Variants in ASIC2 observed in about 807,000 individuals in gnomAD.
ASIC2 encodes acid-sensing ion channel 2.
A neutral mutation model predicts 57.3 loss-of-function variants in ASIC2; 25 were observed. The observed-to-expected ratio is 0.44, with a 90% CI of 0.32 to 0.61. The LOEUF is 0.61. ASIC2 is among the 20% of genes least tolerant of loss of function. The pLI is 0.06. For synonymous variants in ASIC2, 319 were observed against 307.5 expected, an observed-to-expected ratio of 1.04 and a Z score of -0.39; for missense variants, 641 against 738.1, an observed-to-expected ratio of 0.87 and a Z score of 1.52.
At chr17:34,060,812 A>C (rs1242337684) in intron 1 of ASIC2, among the ~76,000 whole-genome samples, 1 of 152,174 alleles carries the variant, frequency 6.6e-6, no homozygotes, top group Non-Finnish European at 1.5e-5. Context: ...GAAAAGAATA[A>C]GAAAATATGA....
intron 1 of ASIC2, among the ~76,000 whole-genome samples, chr17:33,324,336 G>A (rs775911756): frequency 6.6e-6 from 1 of 152,090 alleles, no homozygotes; most frequent in Non-Finnish European, 1.5e-5. Context: ...ATTATCACTG[G>A]GCAACTTGAC....
intron 1 of ASIC2, among the ~76,000 whole-genome samples, chr17:33,841,964 A>G (rs925771107): frequency 3.3e-5 from 5 of 152,154 alleles, no homozygotes; most frequent in African/African-American, 4.8e-5. Flanking sequence ...GGCAGGCTGT[A>G]CAATATATCC....
chr17:33,750,202 G>C (rs1459123269), intron 1 of ASIC2, among the ~76,000 whole-genome samples: 1 of 152,136 alleles, frequency 6.6e-6, no homozygotes, highest in Non-Finnish European at 1.5e-5. Context: ...GAGCAGATGT[G>C]GTGGAGTCAG....
chr17:33,072,902 A>G (rs1160226523), intron 3 of ASIC2, among the ~76,000 whole-genome samples: 1 of 152,250 alleles, frequency 6.6e-6, no homozygotes. Context: ...GCTAGAAAAC[A>G]CAAGGGGAAG....
At chr17:34,150,749 G>C (rs1904482769) in intron 1 of ASIC2, among the ~76,000 whole-genome samples, 2 of 152,154 alleles carry the variant, frequency 1.3e-5, no homozygotes, top group South Asian at 4.1e-4. Context: ...CCTGGAGAAG[G>C]CTACAGTGAT....
intron 1 of ASIC2, among the ~76,000 whole-genome samples, chr17:34,114,405 A>G (rs8080441): frequency 0.52 from 79,062 of 151,944 alleles, 22,923 homozygotes; most frequent in Non-Finnish European, 0.65. Context: ...TGAGGGTGAG[A>G]GAGAGAGACT....
chr17:33,059,699 G>C (rs1390595970), intron 3 of ASIC2, among the ~76,000 whole-genome samples: 2 of 152,122 alleles, frequency 1.3e-5, no homozygotes, highest in Non-Finnish European at 2.9e-5. Flanking sequence ...TGGGTCAAAT[G>C]GTATTTCTAG....
intron 1 of ASIC2, among the ~76,000 whole-genome samples, chr17:33,183,131 A>T (rs1262071236): frequency 6.6e-6 from 1 of 152,198 alleles, no homozygotes; most frequent in Non-Finnish European, 1.5e-5. Context: ...CTAAGATTTG[A>T]AGCCCATCTG....
chr17:33,273,852 G>A (rs4795761), intron 1 of ASIC2, among the ~76,000 whole-genome samples: 50,633 of 151,436 alleles, frequency 0.33, 8,627 homozygotes, highest in Admixed American at 0.41. Context: ...ACTAAAGGCA[G>A]AATGGGAGAA....
intron 1 of ASIC2, chr17:34,039,821 C>A (rs1908036881): frequency 6.2e-7 from 1 of 1,608,940 alleles, no homozygotes; most frequent in Non-Finnish European, 8.5e-7. Flanking sequence ...GTAAACCTGG[C>A]CTCCAATAAT....
intron 1 of ASIC2, among the ~76,000 whole-genome samples, chr17:33,465,668 C>G (rs1241884720): frequency 6.6e-6 from 1 of 152,148 alleles, no homozygotes; most frequent in South Asian, 2.1e-4. Context: ...GCCACCACGC[C>G]TGGCCTGAGT....
intron 1 of ASIC2, among the ~76,000 whole-genome samples, chr17:33,914,828 A>G (rs1915549507): frequency 6.6e-6 from 1 of 152,248 alleles, no homozygotes; most frequent in Non-Finnish European, 1.5e-5. Flanking sequence ...TGTCTGGCTC[A>G]GGGCCATGAG....
In ASIC2 at chr17:33,017,529, A is replaced by G; in HGVS notation, c.1521+76T>C. On this transcript the variant is annotated intron_variant, in intron 8 of 9. Transcript: ENST00000225823. ...TGGAGAGAGGCACCGCCTTCCCTCT[A>G]CTATGATTCTGAACCTGGGGCACGA... is the stretch of plus-strand genomic sequence containing the variant. The G allele has an allele frequency of 2.4e-6, 3 of 1,265,600 alleles. No homozygotes were observed. The South Asian group carries it at 3.9e-5, about 17-fold the overall frequency. 78.4% of individuals were successfully genotyped at this position (1,265,600 alleles called of 1,614,324 possible).
chr17:33,177,078 T>C (rs1905788533), intron 1 of ASIC2, among the ~76,000 whole-genome samples: 1 of 152,202 alleles, frequency 6.6e-6, no homozygotes, highest in Admixed American at 6.5e-5. Context: ...AATCACCTTG[T>C]TTTTCCCTGC....
At chr17:33,055,721 G>T (rs1050488581) in intron 3 of ASIC2, among the ~76,000 whole-genome samples, 2 of 151,960 alleles carry the variant, frequency 1.3e-5, no homozygotes, top group Admixed American at 6.6e-5. Context: ...CAGGAAATTC[G>T]CAAGTTAAAT....
At chr17:33,721,601 T>C (rs1909391022) in intron 1 of ASIC2, among the ~76,000 whole-genome samples, 1 of 152,284 alleles carries the variant, frequency 6.6e-6, no homozygotes, top group African/African-American at 2.4e-5. Context: ...GACCGAGAAA[T>C]AAACCTTTAA....
chr17:33,859,508 C>T (rs892131897), intron 1 of ASIC2, among the ~76,000 whole-genome samples: 29 of 152,192 alleles, frequency 1.9e-4, no homozygotes, highest in African/African-American at 6.3e-4. Flanking sequence ...TCCAGTATCA[C>T]ACTGGGAGCA....
At chr17:33,905,205 C>T (rs555053971) in intron 1 of ASIC2, among the ~76,000 whole-genome samples, 5 of 139,146 alleles carry the variant, frequency 3.6e-5, no homozygotes, top group African/African-American at 8.3e-5. Flanking sequence ...AACCAAGCCT[C>T]CTGGAAAGTA....
chr17:33,918,609 G>A (rs1215034735), intron 1 of ASIC2, among the ~76,000 whole-genome samples: 1 of 152,116 alleles, frequency 6.6e-6, no homozygotes, highest in Non-Finnish European at 1.5e-5. Context: ...TGGGTTGGGA[G>A]AAATTAAAGA....
Sources: gnomAD v4.1 joint callset for allele counts (sites outside exome capture counted in the v4.1 genomes callset) on GRCh38, gnomAD v4.1.1 for gene constraint, MANE v1.5 for transcripts, NCBI Gene and HGNC (gene_info 2026-07-23, HGNC 2026-07-21) for gene names.